The following ZNF385C variants were observed in gnomAD, a reference collection of about 807,000 sequenced individuals.
ZNF385C encodes the protein zinc finger protein 385C.
Under a neutral mutation model 35.4 loss-of-function variants are expected in ZNF385C, and 28 were observed. The ratio of observed to expected loss-of-function variants is 0.79; its 90% CI spans 0.59 to 1.08. ZNF385C has a LOEUF of 1.08. ZNF385C is among the 50% of genes least tolerant of loss of function. The probability of loss-of-function intolerance (pLI) is 0.00; values close to 1 mark genes in which losing one functional copy is unlikely to be tolerated. For synonymous variants in ZNF385C, 248 were observed against 248.2 expected (o/e 1.00, Z 0.01); for missense variants, 605 against 595.6 (o/e 1.02, Z -0.16).
intron 7 of ZNF385C, 153 bp downstream of exon 7, chr17:42,027,897 T>C (rs1555654472): frequency 4.1e-6 from 5 of 1,209,464 alleles, no homozygotes; most frequent in Non-Finnish European, 3.5e-6. Flanking sequence ...GTCTTGGCCT[T>C]TGCCCTTAAT....
chr17:42,078,187 C>T (rs558607839), intron 1 of ZNF385C, among the ~76,000 whole-genome samples: 2 of 152,210 alleles, frequency 1.3e-5, no homozygotes, highest in Non-Finnish European at 2.9e-5. Context: ...CCTCAGTTTC[C>T]CTGGCGGTGT....
intron 3 of ZNF385C, among the ~76,000 whole-genome samples, 169 bp from the exon 4 acceptor site, chr17:42,034,504 G>C (rs1261758222): frequency 6.6e-6 from 1 of 152,142 alleles, no homozygotes; most frequent in African/African-American, 2.4e-5. Context: ...GCTGGGCCAG[G>C]CGCGGTGGCT....
chr17:42,076,519 G>A (rs373972096), intron 1 of ZNF385C, among the ~76,000 whole-genome samples: 1 of 152,202 alleles, frequency 6.6e-6, no homozygotes, highest in Admixed American at 6.5e-5. Flanking sequence ...CTACTCAGGA[G>A]GCTGAGGCAG....
chr17:42,053,144 C>T (rs1555657265), intron 2 of ZNF385C, among the ~76,000 whole-genome samples: 1 of 152,166 alleles, frequency 6.6e-6, no homozygotes, highest in Non-Finnish European at 1.5e-5. Context: ...GTGCAGACTG[C>T]CCCCAAGCTG....
chr17:42,076,349 C>T (rs1014889511), intron 1 of ZNF385C, among the ~76,000 whole-genome samples: 19 of 151,580 alleles, frequency 1.3e-4, no homozygotes, highest in African/African-American at 2.9e-4. Context: ...TGGCCGGGCG[C>T]GGTGGCTCAC....
chr17:42,044,724 A>G (rs1318226919), intron 2 of ZNF385C, among the ~76,000 whole-genome samples: 1 of 152,056 alleles, frequency 6.6e-6, no homozygotes, highest in Non-Finnish European at 1.5e-5. Context: ...ACAGGTGAAC[A>G]CACACTCACA....
chr17:42,082,905 C>T (rs1276193836), intron 1 of ZNF385C, among the ~76,000 whole-genome samples: 1 of 152,062 alleles, frequency 6.6e-6, no homozygotes, highest in Non-Finnish European at 1.5e-5. Context: ...TGGTGAAGAC[C>T]CGTCTCTACT....
chr17:42,030,064 A>T (rs1435386875), intron 5 of ZNF385C, among the ~76,000 whole-genome samples: 1 of 152,192 alleles, frequency 6.6e-6, no homozygotes, highest in Non-Finnish European at 1.5e-5. Context: ...TAAATTAAAA[A>T]AAAATAGTGG....
chr17:42,085,714 T>C (rs1415515165), intron 1 of ZNF385C, among the ~76,000 whole-genome samples: 1 of 151,850 alleles, frequency 6.6e-6, no homozygotes, highest in African/African-American at 2.4e-5. Flanking sequence ...TCTCCCGCCT[T>C]AGACTCCCCA....
At chr17:42,041,149 C>T (rs182304922) in intron 2 of ZNF385C, 8 of 1,232,322 alleles carry the variant, frequency 6.5e-6, no homozygotes, top group Admixed American at 4.2e-5. Flanking sequence ...TGCCTTCAGG[C>T]GCTGGCAGGC....
chr17:42,074,636 G>A (rs1219044087), intron 1 of ZNF385C, among the ~76,000 whole-genome samples: 1 of 152,106 alleles, frequency 6.6e-6, no homozygotes, highest in Non-Finnish European at 1.5e-5. Context: ...TGTTCCACCC[G>A]CCTCGGCCTC....
At chr17:42,047,885 C>CCT (rs1555656779) in intron 2 of ZNF385C, among the ~76,000 whole-genome samples, 1 of 151,774 alleles carries the variant, frequency 6.6e-6, no homozygotes, top group East Asian at 2.0e-4. Context: ...GAACTCCTGA[C>CCT]CTCGTGATCT....
intron 1 of ZNF385C, among the ~76,000 whole-genome samples, chr17:42,080,103 C>T (rs1555659615): frequency 2.0e-5 from 3 of 152,158 alleles, no homozygotes; most frequent in African/African-American, 7.2e-5. Flanking sequence ...AGAAAGGAGG[C>T]TGGAAATTGG....
intron 1 of ZNF385C, among the ~76,000 whole-genome samples, chr17:42,079,775 A>G (rs1470104927): frequency 6.6e-6 from 1 of 152,144 alleles, no homozygotes; most frequent in South Asian, 2.1e-4. Flanking sequence ...TGGTGATAAG[A>G]CCATAGAAAG....
chr17:42,039,991 G>T (rs1352310376), intron 2 of ZNF385C: 2 of 1,231,084 alleles, frequency 1.6e-6, no homozygotes. Flanking sequence ...CGCCAGCTGG[G>T]TGCACAGGGC....
chr17:42,052,423 A>G (rs2053300006), intron 2 of ZNF385C, among the ~76,000 whole-genome samples: 1 of 152,148 alleles, frequency 6.6e-6, no homozygotes, highest in African/African-American at 2.4e-5. Context: ...ATCAAGGCAC[A>G]TACATACATA....
chr17:42,085,433 T>C (rs1389711581), intron 1 of ZNF385C, among the ~76,000 whole-genome samples: 2 of 149,630 alleles, frequency 1.3e-5, no homozygotes, highest in African/African-American at 4.9e-5. Flanking sequence ...CACGTCCGGC[T>C]AATTTTTTTC....
chr17:42,050,396 TG>T lies in ZNF385C; in HGVS notation c.250+12410del, dbSNP rs2053255714. Among the ~76,000 whole-genome samples, 1 of 151,918 alleles carries T rather than the reference TG, an allele frequency of 6.6e-6. No homozygotes were observed. Among genetic ancestry groups the T allele is most frequent in the Non-Finnish European group, 1.5e-5 (1 of 67,954 alleles). On this transcript the variant is annotated intron_variant, in intron 2 of 8. Coordinates refer to ENST00000692273, the MANE Select transcript of ZNF385C (RefSeq NM_001392013.1). The surrounding 1 kb of genome is among the most constrained non-coding windows in gnomAD (Gnocchi z 5.6). ...TCTTCTCACGCATCCTCCCGGGGGC[TG>T]GGACGGGGAGGGCTGAGGAACTTCC...
chr17:42,033,885 C>T (rs2052783604), intron 4 of ZNF385C, among the ~76,000 whole-genome samples: 1 of 152,058 alleles, frequency 6.6e-6, no homozygotes, highest in South Asian at 2.1e-4. Context: ...AGCTCCAGAC[C>T]AGGAGCTGAT....
Sources: gnomAD v4.1 joint callset for allele counts (sites outside exome capture counted in the v4.1 genomes callset) on GRCh38, gnomAD v4.1.1 for gene constraint, Gnocchi (gnomAD v3.1) non-coding constraint, MANE v1.5 for transcripts, NCBI Gene and HGNC (gene_info 2026-07-23, HGNC 2026-07-21) for gene names.